The following HECW1 variants were observed in gnomAD, a reference collection of about 807,000 sequenced individuals.
HECW1 encodes the protein HECT, C2 and WW domain containing E3 ubiquitin protein ligase 1.
HECW1 carries 61 observed loss-of-function variants against 182.3 expected under a neutral mutation model. The ratio of observed to expected loss-of-function variants is 0.33; its 90% confidence interval spans 0.27 to 0.41. The LOEUF is 0.41. Ranked by LOEUF, HECW1 falls within the 10% of genes least tolerant of loss-of-function variation. HECW1 has a pLI of 1.00. For synonymous variants in HECW1, 859 were observed against 832.6 expected (o/e 1.03, Z -0.55); for missense variants, 1,739 against 2,108.9 (o/e 0.82, Z 3.44).
At chr7:43,548,803 G>A (rs1007483164) in intron 26 of HECW1, among the ~76,000 whole-genome samples, 1 of 152,162 alleles carries the variant, frequency 6.6e-6, no homozygotes, top group Non-Finnish European at 1.5e-5. Context: ...AATTAGTCAG[G>A]TGTGGTGGCA....
intron 2 of HECW1, among the ~76,000 whole-genome samples, chr7:43,198,321 TAC>T (rs1320212496): frequency 7.2e-6 from 1 of 138,122 alleles, no homozygotes; most frequent in Non-Finnish European, 1.6e-5. Flanking sequence ...CACTGTCACT[TAC>T]ACACACATCC....
chr7:43,401,586 T>TTTC (rs1491325136), intron 7 of HECW1, among the ~76,000 whole-genome samples: 3 of 143,832 alleles, frequency 2.1e-5, no homozygotes, highest in African/African-American at 7.8e-5. Flanking sequence ...TTTTTTTTTT[T>TTTC]CCCCCAAATA....
In HECW1 at chr7:43,255,444, C is replaced by T. The variant is rs145191903; in HGVS notation, c.27+11512C>T. Among the ~76,000 whole-genome samples the T allele has an allele frequency of 5.0e-4, 76 of 151,924 alleles. No individual in the cohort carries two copies. In the East Asian group the frequency reaches 0.013, roughly 25 times the overall value. ...TGAAACCCCCTCTCTACCAAAAATA[C>T]AAAAATTAGCTGGATATGGTTGCAC... On this transcript the variant is annotated intron_variant, in intron 3 of 29. Coordinates refer to ENST00000395891, the MANE Select transcript of HECW1 (RefSeq NM_015052.5).
chr7:43,397,869 A>G (rs1241850071), intron 7 of HECW1, among the ~76,000 whole-genome samples: 1 of 152,252 alleles, frequency 6.6e-6, no homozygotes. Flanking sequence ...TGACAACATC[A>G]TATGTTAATA....
chr7:43,341,014 T>A (rs11765609), intron 5 of HECW1, among the ~76,000 whole-genome samples: 74,475 of 151,200 alleles, frequency 0.49, 19,053 homozygotes, highest in African/African-American at 0.59. Context: ...TTGCAGGGAC[T>A]TGGATGAAGC....
intron 2 of HECW1, among the ~76,000 whole-genome samples, chr7:43,128,140 A>AAATT (rs1182556755): frequency 1.3e-5 from 2 of 152,198 alleles, no homozygotes; most frequent in African/African-American, 4.8e-5. Context: ...TCAGCCTCCC[A>AAATT]AATTATTGGG....
intron 6 of HECW1, among the ~76,000 whole-genome samples, chr7:43,369,941 T>C (rs188386837): frequency 6.5e-4 from 99 of 152,210 alleles, no homozygotes; most frequent in African/African-American, 2.2e-3. Context: ...AATCAACTAA[T>C]TTACATCATT....
chr7:43,519,420 A>G (rs2080334217), intron 24 of HECW1, among the ~76,000 whole-genome samples: 1 of 152,026 alleles, frequency 6.6e-6, no homozygotes, highest in Admixed American at 6.6e-5. Flanking sequence ...TAATTTTTGT[A>G]TTTTTAGTAG....
At chr7:43,484,149 C>A (rs2078541366) in intron 17 of HECW1, 1 of 152,262 alleles carries the variant, frequency 6.6e-6, no homozygotes, top group South Asian at 2.1e-4. Context: ...GCCAGGGACC[C>A]CAGCTTCCTC....
chr7:43,231,706 A>C (rs981307055), intron 2 of HECW1, among the ~76,000 whole-genome samples: 2 of 152,142 alleles, frequency 1.3e-5, no homozygotes, highest in African/African-American at 4.8e-5. Flanking sequence ...AGGGCACACA[A>C]AATGTATTCT....
intron 17 of HECW1, among the ~76,000 whole-genome samples, chr7:43,486,791 G>A (rs2078664295): frequency 6.6e-6 from 1 of 152,210 alleles, no homozygotes; most frequent in South Asian, 2.1e-4. Flanking sequence ...TACAGACACA[G>A]ATGGAAAAGC....
chr7:43,502,524 T>A (rs1004175605), intron 21 of HECW1, among the ~76,000 whole-genome samples: 1 of 152,006 alleles, frequency 6.6e-6, no homozygotes, highest in Non-Finnish European at 1.5e-5. Flanking sequence ...TAGCCAGGTG[T>A]GGTGGTGCAC....
At chr7:43,539,731 G>A (rs993268237) in intron 24 of HECW1, among the ~76,000 whole-genome samples, 2 of 152,122 alleles carry the variant, frequency 1.3e-5, no homozygotes, top group African/African-American at 2.4e-5. Context: ...GGATCATCTC[G>A]GTCATCTCGA....
chr7:43,396,831 T>C lies in HECW1; in HGVS notation c.573T>C (p.Gly191=). Residue 191 remains glycine (G), a synonymous_variant, in exon 7 of 30, where the codon GGT becomes GGC. Coordinates refer to ENST00000395891, the MANE Select transcript of HECW1 (RefSeq NM_015052.5). ...NSAAPIFKSI[G]ADETVQGQGS... is the part of the protein sequence containing the mutation. ...TTTTACAGATTTTTAAAAGCATTGG[T>C]GCTGATGAGACCGTCCAAGGACAAG... The C allele has an allele frequency of 1.2e-6, 2 of 1,612,610 alleles. No homozygotes were observed. Among genetic ancestry groups the C allele is most frequent in the Non-Finnish European group, 1.7e-6 (2 of 1,179,536 alleles).
intron 4 of HECW1, among the ~76,000 whole-genome samples, 191 bp from the exon 5 acceptor site, chr7:43,320,444 C>T (rs942729759): frequency 9.9e-5 from 15 of 152,204 alleles, no homozygotes; most frequent in Middle Eastern, 3.2e-3. Flanking sequence ...GGGAGGCGAT[C>T]CCGGCATAAA....
intron 8 of HECW1, among the ~76,000 whole-genome samples, chr7:43,437,737 C>T (rs1404292032): frequency 6.6e-6 from 1 of 152,120 alleles, no homozygotes; most frequent in African/African-American, 2.4e-5. Flanking sequence ...TATGATGAGG[C>T]TTTGGTGGCA....
chr7:43,401,912 G>A (rs1298013817), intron 7 of HECW1, among the ~76,000 whole-genome samples: 2 of 151,818 alleles, frequency 1.3e-5, no homozygotes, highest in Non-Finnish European at 2.9e-5. Flanking sequence ...ACAAGCAGAT[G>A]AGCAGAAGAG....
chr7:43,526,432 A>G (rs183595629), intron 24 of HECW1, among the ~76,000 whole-genome samples: 16 of 152,376 alleles, frequency 1.1e-4, no homozygotes, highest in African/African-American at 3.8e-4. Context: ...TATGATTCAT[A>G]GAAAGATTGA....
intron 14 of HECW1, 94 bp downstream of exon 14, chr7:43,463,893 TG>T: frequency 7.1e-7 from 1 of 1,416,806 alleles, no homozygotes; most frequent in Non-Finnish European, 9.8e-7. Context: ...TGGGGAGCAA[TG>T]TGCCCCAGGG....
Sources: gnomAD v4.1 joint callset for allele counts (sites outside exome capture counted in the v4.1 genomes callset) on GRCh38, gnomAD v4.1.1 for gene constraint, MANE v1.5 for transcripts, NCBI Gene and HGNC (gene_info 2026-07-23, HGNC 2026-07-21) for gene names.